Variants in CNTNAP4 observed in about 807,000 individuals in gnomAD.
The protein encoded by CNTNAP4 is contactin-associated protein-like 4.
CNTNAP4 carries 98 observed loss-of-function variants against 148.4 expected under a neutral mutation model. The ratio of observed to expected loss-of-function variants is 0.66; its 90% confidence interval spans 0.56 to 0.78. CNTNAP4 has a LOEUF of 0.78. Ranked by LOEUF, CNTNAP4 falls within the 30% of genes least tolerant of loss-of-function variation. The pLI is 0.00. For missense variants in CNTNAP4, 1,935 were observed against 1,565.6 expected (o/e 1.24, Z -3.98); for synonymous variants, 730 against 565.1 (o/e 1.29, Z -4.14).
At chr16:76,418,405 A>T (rs35068965) in intron 3 of CNTNAP4, among the ~76,000 whole-genome samples, 713 of 53,904 alleles carry the variant, frequency 0.013, 1 homozygote, top group Non-Finnish European at 0.022. Flanking sequence ...ATATATATAT[A>T]TTTTTATTAT....
intron 1 of CNTNAP4, among the ~76,000 whole-genome samples, chr16:76,292,137 C>T (rs183961619): frequency 7.9e-5 from 12 of 152,234 alleles, no homozygotes; most frequent in South Asian, 6.2e-4. Flanking sequence ...TCTAATATAA[C>T]GGTATCTTAA....
At chr16:76,435,454 C>T (rs2079789497) in intron 4 of CNTNAP4, among the ~76,000 whole-genome samples, 1 of 152,126 alleles carries the variant, frequency 6.6e-6, no homozygotes, top group African/African-American at 2.4e-5. Flanking sequence ...TTGGTTCCTG[C>T]CACCTCAGGA....
chr16:76,413,369 T>G (rs923540018), intron 3 of CNTNAP4, among the ~76,000 whole-genome samples: 4 of 151,362 alleles, frequency 2.6e-5, no homozygotes, highest in Non-Finnish European at 5.9e-5. Flanking sequence ...GATATCCAAT[T>G]TATACAGCAC....
At chr16:76,555,841 C>G (rs983546563) in intron 23 of CNTNAP4, among the ~76,000 whole-genome samples, 7 of 152,182 alleles carry the variant, frequency 4.6e-5, no homozygotes, top group African/African-American at 1.7e-4. Flanking sequence ...GTCCCTGAAA[C>G]TAGTGATGTC....
intron 2 of CNTNAP4, among the ~76,000 whole-genome samples, chr16:76,354,053 C>A (rs1597293881): frequency 2.0e-5 from 3 of 152,160 alleles, no homozygotes; most frequent in African/African-American, 7.2e-5. Flanking sequence ...ACCTTATTAT[C>A]AGAGCCTCAA....
At chr16:76,315,241 A>T (rs1567671828) in intron 1 of CNTNAP4, among the ~76,000 whole-genome samples, 1 of 152,166 alleles carries the variant, frequency 6.6e-6, no homozygotes, top group Non-Finnish European at 1.5e-5. Context: ...CACAAATGCA[A>T]GCTCCTCTGA....
chr16:76,317,265 C>CAAAAAAAAAAAAA (rs1302355658), intron 2 of CNTNAP4, among the ~76,000 whole-genome samples: 1 of 44,352 alleles, frequency 2.3e-5, no homozygotes, highest in Admixed American at 2.3e-4. Context: ...AAAAAAAAAA[C>CAAAAAAAAAAAAA]AAAAAAAAAA....
intron 12 of CNTNAP4, among the ~76,000 whole-genome samples, chr16:76,482,315 A>G (rs2081863636): frequency 6.6e-6 from 1 of 152,188 alleles, no homozygotes; most frequent in Non-Finnish European, 1.5e-5. Context: ...GAGAAAACAA[A>G]AAGCCAAAAA....
intron 2 of CNTNAP4, among the ~76,000 whole-genome samples, chr16:76,325,250 A>G (rs1418302404): frequency 2.6e-5 from 4 of 152,220 alleles, no homozygotes; most frequent in Non-Finnish European, 4.4e-5. Context: ...AGATTTGAAC[A>G]AAAAATTAAA....
intron 3 of CNTNAP4, among the ~76,000 whole-genome samples, chr16:76,388,994 G>A (rs1023252221): frequency 6.6e-6 from 1 of 152,006 alleles, no homozygotes. Flanking sequence ...AAACTTACAT[G>A]TACATTTATA....
intron 15 of CNTNAP4, among the ~76,000 whole-genome samples, chr16:76,519,742 A>G (rs976159354): frequency 6.6e-6 from 1 of 152,112 alleles, no homozygotes; most frequent in Non-Finnish European, 1.5e-5. Context: ...CTCTGATAAT[A>G]TATGGTTTCA....
At chr16:76,451,599 A>ATGTGTGTGTGTGTGTGTGTGTG (rs71134761) in intron 7 of CNTNAP4, among the ~76,000 whole-genome samples, 208 of 141,352 alleles carry the variant, frequency 1.5e-3, no homozygotes, top group Middle Eastern at 7.1e-3. Flanking sequence ...TTTTAGATAG[A>ATGTGTGTGTGTGTGTGTGTGTG]TGTGTGTGTG....
chr16:76,526,101 G>C lies in CNTNAP4; in HGVS notation c.2755+3844G>C, dbSNP rs1463816761. On this transcript the variant is annotated intron_variant, in intron 17 of 23. Coordinates refer to ENST00000611870, the MANE Select transcript of CNTNAP4 (RefSeq NM_033401.5). Reference sequence around the variant, plus strand: ...TGTTGGGGACTTCTATGTCAAGTAGGGTGGTCAGTGCAGTCTTCTCTGGAG... The same window carrying C: ...TGTTGGGGACTTCTATGTCAAGTAGCGTGGTCAGTGCAGTCTTCTCTGGAG... 2.0e-5 allele frequency among the ~76,000 whole-genome samples: 3 copies of C among 152,014 alleles called. No individual in the cohort carries two copies. The East Asian group carries it at 5.8e-4, about 29-fold the overall frequency.
intron 13 of CNTNAP4, among the ~76,000 whole-genome samples, chr16:76,490,349 A>C (rs113965435): frequency 0.014 from 2,124 of 152,334 alleles, 57 homozygotes; most frequent in African/African-American, 0.049. Flanking sequence ...AAAGGCTGCC[A>C]GAGACACAGT....
chr16:76,307,271 A>C (rs139897417), intron 1 of CNTNAP4, among the ~76,000 whole-genome samples: 2 of 151,924 alleles, frequency 1.3e-5, no homozygotes, highest in Non-Finnish European at 2.9e-5. Context: ...GGATAACAAC[A>C]TATGGAAAAC....
rs575988429 is a variant in CNTNAP4, at chr16:76,372,378, G to C, written c.390+16867G>C. ...TTAGCCAGGATGGTCTCGATTTCCT[G>C]ACCTCGTGATCTGCCCGCCTCGGCC... On this transcript the variant is annotated intron_variant, in intron 3 of 23. Coordinates refer to ENST00000611870, the MANE Select transcript of CNTNAP4 (RefSeq NM_033401.5). Among the ~76,000 whole-genome samples, 61 of 149,754 alleles carry C rather than the reference G, an allele frequency of 4.1e-4. 1 individual carries two copies. The South Asian group carries it at 0.011, about 26-fold the overall frequency.
chr16:76,374,742 CTATTATTATTATTAT>C (rs34594219), intron 3 of CNTNAP4, among the ~76,000 whole-genome samples: 148 of 131,636 alleles, frequency 1.1e-3, no homozygotes, highest in African/African-American at 3.6e-3. Flanking sequence ...GACTATGACA[CTATTATTATTATTAT>C]TATTATTATT....
intron 1 of CNTNAP4, among the ~76,000 whole-genome samples, chr16:76,302,257 A>G (rs912237632): frequency 9.9e-5 from 15 of 152,182 alleles, no homozygotes; most frequent in Admixed American, 9.8e-4. Flanking sequence ...TGACAAAATT[A>G]ACCCTTCACT....
At chr16:76,376,789 A>C (rs1369074722) in intron 3 of CNTNAP4, among the ~76,000 whole-genome samples, 1 of 152,192 alleles carries the variant, frequency 6.6e-6, no homozygotes, top group Non-Finnish European at 1.5e-5. Flanking sequence ...AAGAGCATGG[A>C]GGAAGAGAAG....
Sources: allele counts gnomAD v4.1 joint callset (sites outside exome capture counted in the v4.1 genomes callset), GRCh38; gene constraint gnomAD v4.1.1; transcripts MANE v1.5; gene names NCBI Gene and HGNC (gene_info 2026-07-23, HGNC 2026-07-21).